The following EPB41L2 variants were observed in gnomAD, a reference collection of about 807,000 sequenced individuals.
EPB41L2 encodes erythrocyte membrane protein band 4.1 like 2, also known as band 4.1-like protein 2.
In EPB41L2, 43 loss-of-function variants were observed where a neutral mutation model predicts 113.0. That is an observed-to-expected ratio of 0.38 (90% CI 0.30 to 0.49). The LOEUF (loss-of-function observed/expected upper bound fraction) is 0.49. EPB41L2 is among the 20% of genes least tolerant of loss of function. EPB41L2 has a pLI of 0.95. For missense variants in EPB41L2, 1,147 were observed against 1,223.4 expected (o/e 0.94, Z 0.93); for synonymous variants, 442 against 436.7 (o/e 1.01, Z -0.15).
intron 14 of EPB41L2, among the ~76,000 whole-genome samples, chr6:130,872,133 A>G (rs1156485425): frequency 9.9e-5 from 15 of 152,280 alleles, no homozygotes; most frequent in African/African-American, 3.1e-4. Context: ...TAATGATTTA[A>G]ATTATTCTCT....
intron 15 of EPB41L2, chr6:130,869,033 C>T: frequency 6.4e-6 from 1 of 156,228 alleles, no homozygotes. Flanking sequence ...CTCATCACTG[C>T]TGGATACTGC....
intron 1 of EPB41L2, among the ~76,000 whole-genome samples, chr6:131,036,531 A>G (rs1423807108): frequency 1.3e-5 from 2 of 152,252 alleles, no homozygotes; most frequent in Non-Finnish European, 2.9e-5. Flanking sequence ...AATGGGATTC[A>G]ATGATTCTGG....
At chr6:131,008,544 A>G (rs1427024072) in intron 1 of EPB41L2, among the ~76,000 whole-genome samples, 2 of 152,226 alleles carry the variant, frequency 1.3e-5, no homozygotes, top group East Asian at 1.9e-4. Context: ...GAAGACAGCC[A>G]CTGTCCTCCA....
intron 1 of EPB41L2, among the ~76,000 whole-genome samples, chr6:130,978,061 C>T (rs1204055230): frequency 6.6e-6 from 1 of 152,130 alleles, no homozygotes; most frequent in Non-Finnish European, 1.5e-5. Flanking sequence ...AAATTCTATC[C>T]CTACCTAACC....
chr6:131,060,147 C>T lies in EPB41L2; in HGVS notation c.-15+3008G>A, dbSNP rs998077921. 1.1e-4 allele frequency among the ~76,000 whole-genome samples: 17 copies of T among 152,352 alleles called. No homozygotes were observed. The East Asian group carries it at 2.3e-3, about 21-fold the overall frequency. On this transcript the variant is annotated intron_variant, in intron 1 of 19. Coordinates refer to ENST00000337057, the MANE Select transcript of EPB41L2 (RefSeq NM_001431.4). ...TTCAGCTGGGATTACAGGCGTGCGC[C>T]ACCATGCCCGGCTAATTTTTGTATT...
chr6:131,042,082 G>A (rs2128184817), intron 1 of EPB41L2, among the ~76,000 whole-genome samples: 1 of 152,274 alleles, frequency 6.6e-6, no homozygotes, highest in African/African-American at 2.4e-5. Context: ...GATGAAAACT[G>A]GCCATATGGG....
At chr6:130,926,888 C>T (rs1008615158) in intron 3 of EPB41L2, among the ~76,000 whole-genome samples, 179 bp from the exon 4 acceptor site, 1 of 152,164 alleles carries the variant, frequency 6.6e-6, no homozygotes, top group African/African-American at 2.4e-5. Flanking sequence ...ACCCTGCACA[C>T]ATATACAAAG....
rs558011437 is a variant in EPB41L2, at chr6:130,928,503, C to G, written c.706-1794G>C. Among the ~76,000 whole-genome samples, 3 of 152,376 alleles carry G rather than the reference C, an allele frequency of 2.0e-5. No homozygotes were observed. In the South Asian group the frequency reaches 6.2e-4, roughly 32 times the overall value. ...AGGGTAAAAAGGATATTTAAGACAACTGATGTCTACAAAAATACACCTCAG... is the reference window on the plus strand; with the variant it reads ...AGGGTAAAAAGGATATTTAAGACAAGTGATGTCTACAAAAATACACCTCAG... On this transcript the variant is annotated intron_variant, in intron 3 of 19. Coordinates refer to ENST00000337057, the MANE Select transcript of EPB41L2 (RefSeq NM_001431.4).
Position 130,934,803 on chromosome 6 carries a change from T to C in EPB41L2, c.706-8094A>G, listed in dbSNP as rs1256956095. On this transcript the variant is annotated intron_variant, in intron 3 of 19. Transcript: ENST00000337057. The stretch of plus-strand genomic sequence containing the variant: ...TCCCTTTCTTTTTGTTTTCTTTTTT[T>C]TTTTTTTTTGTAACTGAAAAATTTT... Among the ~76,000 whole-genome samples the C allele has an allele frequency of 4.0e-5, 6 of 151,770 alleles. No homozygotes were observed. The South Asian group carries it at 6.2e-4, about 16-fold the overall frequency.
At chr6:130,887,615 C>T (rs1791479623) in intron 11 of EPB41L2, among the ~76,000 whole-genome samples, 1 of 152,192 alleles carries the variant, frequency 6.6e-6, no homozygotes, top group Admixed American at 6.5e-5. Context: ...GGAATGTATC[C>T]AGCTCTCCCT....
chr6:130,914,988 G>A (rs1800483473), intron 4 of EPB41L2, among the ~76,000 whole-genome samples: 1 of 152,196 alleles, frequency 6.6e-6, no homozygotes, highest in South Asian at 2.1e-4. Flanking sequence ...AAATTAAAAT[G>A]TGGCCTTAGA....
At chr6:130,927,325 T>C (rs1053247320) in intron 3 of EPB41L2, among the ~76,000 whole-genome samples, 15 of 152,106 alleles carry the variant, frequency 9.9e-5, no homozygotes, top group African/African-American at 3.6e-4. Context: ...TTAACATATT[T>C]TTACCTTGAA....
chr6:130,985,102 G>C (rs1217359767), intron 1 of EPB41L2, among the ~76,000 whole-genome samples: 3 of 152,218 alleles, frequency 2.0e-5, no homozygotes, highest in African/African-American at 7.2e-5. Flanking sequence ...AAAGCTGAAA[G>C]ACCAGGACTG....
At chr6:131,048,155 A>AAAAAAAAAAAAG (rs1562797570) in intron 1 of EPB41L2, among the ~76,000 whole-genome samples, 1 of 93,710 alleles carries the variant, frequency 1.1e-5, no homozygotes, top group African/African-American at 3.1e-5. Context: ...AAAAAAAAAA[A>AAAAAAAAAAAAG]AAGAAAAAAA....
chr6:130,872,501 T>G (rs963953665), intron 14 of EPB41L2: 1 of 1,289,316 alleles, frequency 7.8e-7, no homozygotes, highest in Non-Finnish European at 1.0e-6. Context: ...AAAGCCCTTT[T>G]CACTAAACAA....
At chr6:131,042,786 C>A (rs1391123291) in intron 1 of EPB41L2, among the ~76,000 whole-genome samples, 2 of 152,230 alleles carry the variant, frequency 1.3e-5, no homozygotes, top group Non-Finnish European at 2.9e-5. Flanking sequence ...TAAAATGTCT[C>A]ACTTGAACGG....
intron 1 of EPB41L2, among the ~76,000 whole-genome samples, chr6:130,987,754 T>A (rs539881316): frequency 6.6e-6 from 1 of 151,278 alleles, no homozygotes; most frequent in East Asian, 1.9e-4. Flanking sequence ...AGAAGAAAAA[T>A]TTAGGAGGCT....
intron 6 of EPB41L2, among the ~76,000 whole-genome samples, chr6:130,904,229 C>T (rs1411123875): frequency 1.3e-5 from 2 of 152,062 alleles, no homozygotes; most frequent in Non-Finnish European, 2.9e-5. Context: ...TCAGCAGTAT[C>T]ATTTTTAAAA....
At chr6:130,891,104 T>A (rs2128480947) in intron 10 of EPB41L2, among the ~76,000 whole-genome samples, 1 of 152,352 alleles carries the variant, frequency 6.6e-6, no homozygotes, top group East Asian at 1.9e-4. Flanking sequence ...CAACTGAAAT[T>A]ATTTTGCTCT....
Sources: gnomAD v4.1 joint callset for allele counts (sites outside exome capture counted in the v4.1 genomes callset) on GRCh38, gnomAD v4.1.1 for gene constraint, MANE v1.5 for transcripts, NCBI Gene and HGNC (gene_info 2026-07-23, HGNC 2026-07-21) for gene names.